WDR7: variants seen among roughly 807,000 people sequenced by gnomAD.
WDR7 encodes the protein WD repeat domain 7.
In WDR7, 46 loss-of-function variants were observed where a neutral mutation model predicts 169.4. The ratio of observed to expected loss-of-function variants is 0.27; its 90% confidence interval spans 0.21 to 0.35. The LOEUF (loss-of-function observed/expected upper bound fraction) is 0.35, where lower values mean the gene tolerates loss of function less well. WDR7 is among the 10% of genes least tolerant of loss of function. WDR7 has a pLI of 1.00. For synonymous variants in WDR7, 612 were observed against 666.8 expected, an observed-to-expected ratio of 0.92 and a Z score of 1.27; for missense variants, 1,534 against 1,859.3, an observed-to-expected ratio of 0.83 and a Z score of 3.22.
intron 26 of WDR7, among the ~76,000 whole-genome samples, chr18:57,001,058 AG>A (rs751484579): frequency 0.5 from 50,245 of 100,638 alleles, 9,121 homozygotes; most frequent in Middle Eastern, 0.6. Context: ...AGAGAGAGAG[AG>A]AGAGAGAGAG....
At chr18:56,833,662 T>C (rs1182933639) in intron 20 of WDR7, among the ~76,000 whole-genome samples, 1 of 152,160 alleles carries the variant, frequency 6.6e-6, no homozygotes, top group Non-Finnish European at 1.5e-5. Flanking sequence ...ATGTGCCATA[T>C]AAAAATCTTT....
chr18:56,947,273 G>A (rs912962391), intron 25 of WDR7, among the ~76,000 whole-genome samples: 5 of 152,252 alleles, frequency 3.3e-5, no homozygotes, highest in Admixed American at 6.5e-5. Flanking sequence ...AGCACAATAA[G>A]GTAACATTTA....
At chr18:56,989,986 C>T (rs1391101904) in intron 26 of WDR7, among the ~76,000 whole-genome samples, 1 of 152,198 alleles carries the variant, frequency 6.6e-6, no homozygotes, top group African/African-American at 2.4e-5. Context: ...AAACTAATGT[C>T]TTTCTTTAAG....
chr18:56,721,736 G>A (rs763252167), intron 13 of WDR7: 2 of 152,178 alleles, frequency 1.3e-5, no homozygotes, highest in South Asian at 2.1e-4. Flanking sequence ...TGGGAAACAG[G>A]CATGCTGAAA....
At chr18:56,873,580 C>G (rs1417724070) in intron 20 of WDR7, 1 of 152,174 alleles carries the variant, frequency 6.6e-6, no homozygotes. Flanking sequence ...TTCTGTGCCC[C>G]CTCCCGCTTC....
chr18:56,936,402 C>A (rs2046961317), intron 23 of WDR7, among the ~76,000 whole-genome samples: 1 of 152,198 alleles, frequency 6.6e-6, no homozygotes, highest in African/African-American at 2.4e-5. Flanking sequence ...TAATTGCCCA[C>A]ATCTAACTGG....
chr18:57,009,814 C>A (rs1165437474), intron 26 of WDR7: 2 of 975,592 alleles, frequency 2.1e-6, no homozygotes, highest in Admixed American at 1.2e-4. Context: ...TTATAATCTA[C>A]ATCAGACAAT....
chr18:56,751,494 C>T (rs1328783200), intron 14 of WDR7, among the ~76,000 whole-genome samples: 1 of 152,142 alleles, frequency 6.6e-6, no homozygotes, highest in East Asian at 1.9e-4. Context: ...CAGCATCTGC[C>T]AAAGCACTGT....
chr18:56,687,047 C>T, intron 7 of WDR7, 73 bp downstream of exon 7: 1 of 1,403,128 alleles, frequency 7.1e-7, no homozygotes, highest in Non-Finnish European at 9.7e-7. Context: ...TTCCAAAGAA[C>T]CCTAAAGAAG....
chr18:57,007,496 T>G (rs1435057138), intron 26 of WDR7, among the ~76,000 whole-genome samples: 1 of 152,176 alleles, frequency 6.6e-6, no homozygotes, highest in Non-Finnish European at 1.5e-5. Context: ...AAATATATGT[T>G]TTTGATTGCA....
chr18:56,883,758 G>A (rs142194209), intron 21 of WDR7, among the ~76,000 whole-genome samples: 196 of 152,162 alleles, frequency 1.3e-3, no homozygotes, highest in African/African-American at 4.3e-3. Context: ...GAGAACATAC[G>A]ATGTTTGGTT....
chr18:56,908,491 G>T (rs778957921), intron 21 of WDR7, among the ~76,000 whole-genome samples: 1 of 152,112 alleles, frequency 6.6e-6, no homozygotes, highest in Non-Finnish European at 1.5e-5. Flanking sequence ...AAACTCCTTT[G>T]CAGATAGCAT....
At chr18:56,832,249 C>T (rs1053544027) in intron 20 of WDR7, among the ~76,000 whole-genome samples, 1 of 152,172 alleles carries the variant, frequency 6.6e-6, no homozygotes, top group African/African-American at 2.4e-5. Flanking sequence ...CGGAGCCCAC[C>T]GCAGGGCCAC....
At chr18:56,926,378 A>G (rs984952437) in intron 22 of WDR7, among the ~76,000 whole-genome samples, 1 of 152,128 alleles carries the variant, frequency 6.6e-6, no homozygotes, top group African/African-American at 2.4e-5. Flanking sequence ...ACATTTTTCG[A>G]TTGTCTGAAA....
intron 20 of WDR7, among the ~76,000 whole-genome samples, chr18:56,855,284 T>C (rs1346887429): frequency 6.6e-6 from 1 of 152,132 alleles, no homozygotes; most frequent in Non-Finnish European, 1.5e-5. Flanking sequence ...AAGTTCTTTA[T>C]ATGTTTAGAA....
In WDR7 at chr18:56,691,065, C is replaced by T; in HGVS notation, c.718-151C>T. The stretch of plus-strand genomic sequence containing the variant: ...TCTTCCCTATTGAAGGTGACCTCTC[C>T]CAGGGCTTATTGACAAACTTTCTTT... On this transcript the variant is annotated intron_variant, in intron 7 of 27. Coordinates refer to ENST00000254442, the MANE Select transcript of WDR7 (RefSeq NM_015285.3). 2 of 1,076,426 alleles carry T rather than the reference C, an allele frequency of 1.9e-6. 1 individual carries two copies. Among genetic ancestry groups the T allele is most frequent in the Non-Finnish European group, 2.6e-6 (2 of 757,808 alleles). The allele number at this position is 1,076,426 out of a possible 1,614,324, so 66.7% of individuals were successfully genotyped here.
intron 14 of WDR7, among the ~76,000 whole-genome samples, chr18:56,743,886 AGGTAAAG>A (rs1191507903): frequency 6.6e-6 from 1 of 152,152 alleles, no homozygotes; most frequent in East Asian, 1.9e-4. Context: ...GCGATTTCAA[AGGTAAAG>A]GGAAGGAAGG....
At chr18:56,731,113 TG>T (rs1236076810) in intron 13 of WDR7, among the ~76,000 whole-genome samples, 1 of 151,672 alleles carries the variant, frequency 6.6e-6, no homozygotes, top group Non-Finnish European at 1.5e-5. Context: ...GTAGAAAGAG[TG>T]GAAAAGCCTG....
chr18:57,032,930 G>A (rs2048450613), downstream of WDR7: 1 of 148,670 alleles, frequency 6.7e-6, no homozygotes, highest in African/African-American at 2.5e-5. Flanking sequence ...AGCCTTTTTT[G>A]CATGAAACTG....
Sources: allele counts gnomAD v4.1 joint callset (sites outside exome capture counted in the v4.1 genomes callset), GRCh38; gene constraint gnomAD v4.1.1; transcripts MANE v1.5; gene names NCBI Gene and HGNC (gene_info 2026-07-23, HGNC 2026-07-21).